CSMD3: variants seen among roughly 807,000 people sequenced by gnomAD.
CSMD3 encodes the protein CUB and sushi domain-containing protein 3.
In CSMD3, 177 loss-of-function variants were observed where a neutral mutation model predicts 435.2. That is an observed-to-expected ratio of 0.41 (90% CI 0.36 to 0.46). The LOEUF is 0.46. Among genes scored for constraint, CSMD3 ranks in the 20% least tolerant of loss-of-function variants. CSMD3 has a pLI of 0.34. For missense variants in CSMD3, 4,265 were observed against 4,504.6 expected (o/e 0.95, Z 1.52); for synonymous variants, 1,656 against 1,520.5 (o/e 1.09, Z -2.07).
chr8:112,975,074 C>G (rs1408846397), intron 7 of CSMD3, among the ~76,000 whole-genome samples: 1 of 151,514 alleles, frequency 6.6e-6, no homozygotes, highest in Non-Finnish European at 1.5e-5. Flanking sequence ...CTCTATGACA[C>G]TTGCCACCAA....
intron 1 of CSMD3, among the ~76,000 whole-genome samples, chr8:113,321,829 G>A (rs952624734): frequency 1.3e-5 from 2 of 152,062 alleles, no homozygotes; most frequent in Non-Finnish European, 2.9e-5. Flanking sequence ...CATTTAACTT[G>A]TAAATTTCAC....
intron 5 of CSMD3, among the ~76,000 whole-genome samples, chr8:113,037,126 TTG>T (rs2087389327): frequency 6.6e-6 from 1 of 152,136 alleles, no homozygotes; most frequent in African/African-American, 2.4e-5. Flanking sequence ...TGCTATTTTA[TTG>T]ATAAGAAAAC....
intron 2 of CSMD3, among the ~76,000 whole-genome samples, chr8:113,302,068 C>T (rs111942266): frequency 1.1e-4 from 16 of 151,050 alleles, no homozygotes; most frequent in African/African-American, 3.9e-4. Flanking sequence ...ATTCATCACT[C>T]CAAAAATGCT....
chr8:112,560,680 G>GA (rs1828540864), intron 24 of CSMD3, among the ~76,000 whole-genome samples: 2 of 151,690 alleles, frequency 1.3e-5, no homozygotes, highest in East Asian at 1.9e-4. Flanking sequence ...GAAATGCAAT[G>GA]AAAAAATAGT....
At chr8:113,077,215 G>A (rs948471479) in intron 5 of CSMD3, among the ~76,000 whole-genome samples, 1 of 151,884 alleles carries the variant, frequency 6.6e-6, no homozygotes, top group African/African-American at 2.4e-5. Context: ...TATTCAAAAA[G>A]TTACTATTAG....
At chr8:112,293,613 A>G (rs1819986602) in intron 54 of CSMD3, among the ~76,000 whole-genome samples, 1 of 152,132 alleles carries the variant, frequency 6.6e-6, no homozygotes, top group Non-Finnish European at 1.5e-5. Context: ...ATTTGATAAT[A>G]TAATTTTTCT....
At position 112,690,054 on chromosome 8, in the gene CSMD3, G is replaced by A. The variant is rs1563856427; in HGVS notation, c.1973-4C>T. 6.2e-7 allele frequency: 1 copy of A among 1,611,550 alleles called. No individual in the cohort carries two copies. The highest frequency in any genetic ancestry group is 1.3e-5 in the African/African-American group (1 of 74,748). On this transcript the variant is annotated splice_polypyrimidine_tract_variant and splice_region_variant and intron_variant, in intron 13 of 70. Coordinates refer to ENST00000297405, the MANE Select transcript of CSMD3 (RefSeq NM_198123.2). The stretch of plus-strand genomic sequence containing the variant: ...CCACAACTTTCTTTCTCAATTTCTG[G>A]AAAAATAGAAGATAAAAGTCACCTT...
intron 4 of CSMD3, among the ~76,000 whole-genome samples, chr8:113,109,897 T>C (rs1276681389): frequency 4.6e-5 from 7 of 152,142 alleles, no homozygotes; most frequent in Non-Finnish European, 1.0e-4. Flanking sequence ...CATGACCCCA[T>C]AACTTTGCTA....
At position 112,743,171 on chromosome 8, in the gene CSMD3, T is replaced by A. The variant is rs1309507920; in HGVS notation, c.1973-53121A>T. 2.6e-5 allele frequency among the ~76,000 whole-genome samples: 4 copies of A among 151,978 alleles called. No homozygotes were observed. In the East Asian group the frequency reaches 7.7e-4, roughly 29 times the overall value. ...ATGTAGTTGAAAGAAAAAATAAAAA[T>A]GATATTAAAAATAGCAAACTAAATC... On this transcript the variant is annotated intron_variant, in intron 13 of 70. Transcript: ENST00000297405.
chr8:112,858,476 G>A (rs913884338), intron 11 of CSMD3, among the ~76,000 whole-genome samples: 3 of 151,604 alleles, frequency 2.0e-5, no homozygotes, highest in Admixed American at 2.0e-4. Context: ...TTCCTATTTA[G>A]GTCCTCTCTA....
intron 31 of CSMD3, among the ~76,000 whole-genome samples, chr8:112,479,368 G>T (rs937749158): frequency 6.6e-6 from 1 of 152,234 alleles, no homozygotes; most frequent in Non-Finnish European, 1.5e-5. Context: ...TCAGGAGTGG[G>T]ATACAAGCAG....
chr8:112,949,338 T>C (rs907054447), intron 8 of CSMD3, among the ~76,000 whole-genome samples: 7 of 152,048 alleles, frequency 4.6e-5, no homozygotes, highest in Non-Finnish European at 1.0e-4. Context: ...TACAGCTCAC[T>C]AATTCAAATC....
intron 12 of CSMD3, among the ~76,000 whole-genome samples, chr8:112,819,846 T>TA (rs1056347414): frequency 1.3e-5 from 2 of 152,022 alleles, no homozygotes; most frequent in Admixed American, 6.6e-5. Context: ...TGTGGAAATA[T>TA]AAAAAAAAGT....
At chr8:113,377,901 A>G (rs1179632134) in intron 1 of CSMD3, among the ~76,000 whole-genome samples, 4 of 152,194 alleles carry the variant, frequency 2.6e-5, no homozygotes, top group Admixed American at 2.6e-4. Context: ...AAAATAAACG[A>G]GGAGCACGCC....
chr8:112,302,202 CT>C (rs61325166), intron 52 of CSMD3, among the ~76,000 whole-genome samples: 34,994 of 141,836 alleles, frequency 0.25, 4,292 homozygotes, highest in East Asian at 0.36. Context: ...ACATAAAGTT[CT>C]TTTTTTTTCA....
intron 25 of CSMD3, 43 bp from the exon 26 acceptor site, chr8:112,552,763 A>C (rs750406611): frequency 6.3e-7 from 1 of 1,579,432 alleles, no homozygotes; most frequent in South Asian, 1.1e-5. Context: ...TTTAATGCCA[A>C]TCTTTTCAAA....
At chr8:112,455,163 A>G (rs1321352538) in intron 32 of CSMD3, among the ~76,000 whole-genome samples, 1 of 152,218 alleles carries the variant, frequency 6.6e-6, no homozygotes, top group Admixed American at 6.5e-5. Context: ...AGTACTATTC[A>G]CAACAGCAAA....
At chr8:113,155,031 A>C (rs180939573) in intron 4 of CSMD3, among the ~76,000 whole-genome samples, 1 of 152,168 alleles carries the variant, frequency 6.6e-6, no homozygotes, top group African/African-American at 2.4e-5. Context: ...AGAATAACAG[A>C]AAATGAAATA....
intron 4 of CSMD3, among the ~76,000 whole-genome samples, chr8:113,136,047 A>G (rs1273745863): frequency 5.9e-5 from 9 of 151,816 alleles, no homozygotes; most frequent in South Asian, 2.1e-4. Flanking sequence ...TGAGAAACTT[A>G]AGACATAGTA....
Sources: allele counts gnomAD v4.1 joint callset (sites outside exome capture counted in the v4.1 genomes callset), GRCh38; gene constraint gnomAD v4.1.1; transcripts MANE v1.5; gene names NCBI Gene and HGNC (gene_info 2026-07-23, HGNC 2026-07-21).